Variants in NHSL1 observed in about 807,000 individuals in gnomAD.
NHSL1 encodes the protein NHS-like protein 1.
NHSL1 carries 48 observed loss-of-function variants against 95.0 expected under a neutral mutation model. That is an observed-to-expected ratio of 0.51 (90% CI 0.40 to 0.64). The LOEUF (loss-of-function observed/expected upper bound fraction) is 0.64. Ranked by LOEUF, NHSL1 falls within the 30% of genes least tolerant of loss-of-function variation. The probability of loss-of-function intolerance (pLI) is 0.00; values close to 1 mark genes in which losing one functional copy is unlikely to be tolerated. For missense variants in NHSL1, 1,971 were observed against 2,077.7 expected, an observed-to-expected ratio of 0.95 and a Z score of 1.00; for synonymous variants, 783 against 833.9, an observed-to-expected ratio of 0.94 and a Z score of 1.05.
chr6:138,545,860 A>G, upstream of NHSL1: 3 of 1,126,666 alleles, frequency 2.7e-6, no homozygotes, highest in South Asian at 6.0e-5. Context: ...CCATGGAATC[A>G]GCCTGCAATC....
intron 1 of NHSL1, among the ~76,000 whole-genome samples, chr6:138,671,653 A>T (rs1388485644): frequency 1.3e-5 from 2 of 152,192 alleles, no homozygotes; most frequent in African/African-American, 4.8e-5. Flanking sequence ...TCTAGGAGTC[A>T]TATCTCCAAG....
At chr6:138,535,912 C>T (rs913438586) in intron 1 of NHSL1, among the ~76,000 whole-genome samples, 1 of 152,166 alleles carries the variant, frequency 6.6e-6, no homozygotes, top group Admixed American at 6.5e-5. Flanking sequence ...TCTCACTTCC[C>T]TACAGGGCAT....
intron 1 of NHSL1, among the ~76,000 whole-genome samples, chr6:138,639,591 G>A (rs1170594754): frequency 1.2e-4 from 18 of 150,612 alleles, no homozygotes; most frequent in South Asian, 2.1e-4. Context: ...GCAGTAAGCC[G>A]AGATCGGGCC....
intron 1 of NHSL1, among the ~76,000 whole-genome samples, chr6:138,529,266 G>A (rs1583361992): frequency 6.6e-6 from 1 of 152,104 alleles, no homozygotes; most frequent in African/African-American, 2.4e-5. Context: ...CAATTTTGGT[G>A]TTTATCAGAC....
intron 1 of NHSL1, among the ~76,000 whole-genome samples, chr6:138,591,108 A>T (rs1057144775): frequency 7.9e-5 from 12 of 152,180 alleles, no homozygotes; most frequent in Non-Finnish European, 1.6e-4. Context: ...TGGAGCACTC[A>T]GGAGGCACTC....
At chr6:138,681,262 A>G (rs1785507993) in intron 1 of NHSL1, among the ~76,000 whole-genome samples, 1 of 152,246 alleles carries the variant, frequency 6.6e-6, no homozygotes, top group Non-Finnish European at 1.5e-5. Flanking sequence ...AAACCTCTGG[A>G]AGCATGTGAA....
intron 1 of NHSL1, among the ~76,000 whole-genome samples, chr6:138,497,687 G>A (rs1381477666): frequency 6.6e-6 from 1 of 152,152 alleles, no homozygotes; most frequent in Non-Finnish European, 1.5e-5. Flanking sequence ...ACATGGTTGT[G>A]GCAGGAACAG....
At chr6:138,676,792 C>G (rs1259556642) in intron 1 of NHSL1, among the ~76,000 whole-genome samples, 2 of 152,106 alleles carry the variant, frequency 1.3e-5, no homozygotes, top group Non-Finnish European at 2.9e-5. Context: ...GTAGCTGGGA[C>G]TCCAGGAACA....
intron 5 of NHSL1, among the ~76,000 whole-genome samples, chr6:138,440,111 A>ATCTT (rs1375802154): frequency 1.3e-5 from 2 of 152,120 alleles, no homozygotes; most frequent in Non-Finnish European, 2.9e-5. Context: ...TATCCTTCTG[A>ATCTT]TCTTACAAAG....
At chr6:138,540,379 T>C (rs1782533066) in intron 1 of NHSL1, among the ~76,000 whole-genome samples, 1 of 152,246 alleles carries the variant, frequency 6.6e-6, no homozygotes, top group South Asian at 2.1e-4. Context: ...TAAACTTTGC[T>C]CACTGATTAT....
intron 1 of NHSL1, among the ~76,000 whole-genome samples, chr6:138,539,974 T>C (rs1782516910): frequency 6.6e-6 from 1 of 152,220 alleles, no homozygotes; most frequent in African/African-American, 2.4e-5. Context: ...GATAACGTTT[T>C]CAAGGGAAAG....
At position 138,424,152 on chromosome 6, in the gene NHSL1, C is replaced by G. The variant is rs1775088691; in HGVS notation, c.4750G>C (p.Asp1584His). ...CTGCCCTCTGCACTGGCTGTCCCAT[C>G]CACAGGGCCGGGGGCCTGGGGCTGC... ...SLQPQAPGPV[D>H]GTASAEGREP... Residue 1584 changes from aspartate to histidine, a missense_variant, in exon 8 of 8, where the codon GAT becomes CAT. Asp to His is a moderately conservative substitution (Grantham distance 81, BLOSUM62 -1). Transcript: ENST00000343505. The surrounding 1 kb of genome is among the most constrained non-coding windows in gnomAD (Gnocchi z 5.9). 1 of 1,446,350 alleles carries G rather than the reference C, an allele frequency of 6.9e-7. No individual in the cohort carries two copies. Among genetic ancestry groups the G allele is most frequent in the African/African-American group, 1.4e-5 (1 of 69,834 alleles). 89.6% of individuals were successfully genotyped at this position (1,446,350 alleles called of 1,614,324 possible).
chr6:138,444,218 C>G (rs1350495948), intron 4 of NHSL1, among the ~76,000 whole-genome samples: 1 of 151,760 alleles, frequency 6.6e-6, no homozygotes, highest in Non-Finnish European at 1.5e-5. Flanking sequence ...TACTCTGGCT[C>G]TGGAGGCTGC....
chr6:138,559,044 A>C (rs1336157372), intron 1 of NHSL1, among the ~76,000 whole-genome samples: 1 of 151,792 alleles, frequency 6.6e-6, no homozygotes, highest in Non-Finnish European at 1.5e-5. Context: ...GGGAGACTCT[A>C]TCTCTTTAAA....
chr6:138,627,918 AT>A (rs1345828654), intron 1 of NHSL1, among the ~76,000 whole-genome samples: 1 of 152,136 alleles, frequency 6.6e-6, no homozygotes, highest in Non-Finnish European at 1.5e-5. Flanking sequence ...ATTTATTTAT[AT>A]GAACTCTACA....
chr6:138,524,085 G>T (rs775509981), intron 1 of NHSL1, among the ~76,000 whole-genome samples: 1 of 152,116 alleles, frequency 6.6e-6, no homozygotes, highest in Non-Finnish European at 1.5e-5. Context: ...CTTGCCAAGT[G>T]GTGGGGTGGG....
chr6:138,649,069 T>C (rs1785054992), intron 1 of NHSL1, among the ~76,000 whole-genome samples: 3 of 152,182 alleles, frequency 2.0e-5, no homozygotes. Flanking sequence ...ACAAGGGAAA[T>C]GATACACCAG....
Position 138,587,338 on chromosome 6 carries a change from T to C in NHSL1, c.97-90967A>G, listed in dbSNP as rs546530670. Among the ~76,000 whole-genome samples the C allele has an allele frequency of 5.7e-4, 86 of 151,470 alleles. 1 individual carries two copies. In the South Asian group the frequency reaches 0.016, roughly 28 times the overall value. On this transcript the variant is annotated intron_variant, in intron 1 of 3. Coordinates refer to the NHSL1 transcript ENST00000491526. Reference sequence around the variant, plus strand: ...GGCTCACACCTGTAATCTCAGCACTTTGGGAAGCTGAAGTGGGTGGATCAC... The same window carrying C: ...GGCTCACACCTGTAATCTCAGCACTCTGGGAAGCTGAAGTGGGTGGATCAC...
At chr6:138,648,584 T>C (rs1009173773) in intron 1 of NHSL1, among the ~76,000 whole-genome samples, 3 of 152,200 alleles carry the variant, frequency 2.0e-5, no homozygotes, top group Admixed American at 6.5e-5. Flanking sequence ...TTCTTAGATA[T>C]AATTGCTGGG....
Sources: allele counts gnomAD v4.1 joint callset (sites outside exome capture counted in the v4.1 genomes callset), GRCh38; gene constraint gnomAD v4.1.1; non-coding constraint Gnocchi (gnomAD v3.1); transcripts MANE v1.5; gene names NCBI Gene and HGNC (gene_info 2026-07-23, HGNC 2026-07-21).